The following TRPC4 variants were observed in gnomAD, a reference collection of about 807,000 sequenced individuals.
TRPC4 encodes the protein short transient receptor potential channel 4.
In TRPC4, 49 loss-of-function variants were observed where a neutral mutation model predicts 99.4. That is an observed-to-expected ratio of 0.49 (90% CI 0.39 to 0.63). The LOEUF is 0.63. Ranked by LOEUF, TRPC4 falls within the 20% of genes least tolerant of loss-of-function variation. The pLI is 0.00. For synonymous variants in TRPC4, 454 were observed against 425.9 expected (o/e 1.07, Z -0.81); for missense variants, 898 against 1,152.9 (o/e 0.78, Z 3.20).
intron 1 of TRPC4, among the ~76,000 whole-genome samples, chr13:37,785,105 A>G (rs1404662144): frequency 2.0e-5 from 3 of 152,148 alleles, no homozygotes; most frequent in Non-Finnish European, 4.4e-5. Flanking sequence ...TAGCATTTAT[A>G]TTATAGAATA....
intron 4 of TRPC4, 102 bp from the exon 5 acceptor site, chr13:37,674,469 A>C: frequency 8.2e-7 from 1 of 1,214,796 alleles, no homozygotes; most frequent in Middle Eastern, 2.7e-4. Context: ...ACAAGAGACC[A>C]CATTGTTACA....
chr13:37,819,300 C>T (rs1035536873), intron 1 of TRPC4, among the ~76,000 whole-genome samples: 1 of 151,986 alleles, frequency 6.6e-6, no homozygotes, highest in Non-Finnish European at 1.5e-5. Context: ...GACAGAAACA[C>T]CATTTGACCC....
At chr13:37,769,754 G>C (rs1956496556) in intron 2 of TRPC4, among the ~76,000 whole-genome samples, 1 of 151,398 alleles carries the variant, frequency 6.6e-6, no homozygotes, top group Non-Finnish European at 1.5e-5. Context: ...CTTATATTCT[G>C]CATCAGCATA....
At chr13:37,759,836 C>T (rs577506121) in intron 2 of TRPC4, among the ~76,000 whole-genome samples, 1 of 151,246 alleles carries the variant, frequency 6.6e-6, no homozygotes, top group Admixed American at 6.6e-5. Flanking sequence ...ATGCTTCCTA[C>T]AGAAAAGCAG....
chr13:37,780,760 ATTG>A (rs1956818147), intron 2 of TRPC4, among the ~76,000 whole-genome samples: 1 of 152,078 alleles, frequency 6.6e-6, no homozygotes, highest in Non-Finnish European at 1.5e-5. Flanking sequence ...TTCAGTTTTC[ATTG>A]TGCAAGATAC....
intron 1 of TRPC4, among the ~76,000 whole-genome samples, chr13:37,810,587 T>C (rs900060256): frequency 2.0e-5 from 3 of 152,106 alleles, no homozygotes; most frequent in Admixed American, 2.0e-4. Context: ...TGTTGCTCCA[T>C]AAGACAACTT....
At chr13:37,853,376 C>A (rs973178238) in intron 1 of TRPC4, among the ~76,000 whole-genome samples, 2 of 152,182 alleles carry the variant, frequency 1.3e-5, no homozygotes, top group Non-Finnish European at 1.5e-5. Flanking sequence ...CCCTACAAGT[C>A]TGCAAAAATT....
intron 1 of TRPC4, among the ~76,000 whole-genome samples, chr13:37,823,112 G>A (rs1958066807): frequency 6.6e-6 from 1 of 151,370 alleles, no homozygotes; most frequent in South Asian, 2.1e-4. Flanking sequence ...ACTTTTTGAT[G>A]GGGTTGTTTG....
chr13:37,681,544 G>A (rs1294425898), intron 4 of TRPC4, among the ~76,000 whole-genome samples: 2 of 151,920 alleles, frequency 1.3e-5, no homozygotes, highest in East Asian at 3.9e-4. Context: ...ATTTATGTTT[G>A]TTATAAGCAT....
intron 1 of TRPC4, among the ~76,000 whole-genome samples, chr13:37,799,102 T>G (rs1243176307): frequency 6.6e-6 from 1 of 151,974 alleles, no homozygotes; most frequent in Non-Finnish European, 1.5e-5. Flanking sequence ...CAGCTAATTT[T>G]TTTTTGTATT....
At chr13:37,858,055 A>C (rs74790226) in intron 1 of TRPC4, among the ~76,000 whole-genome samples, 5,509 of 151,900 alleles carry the variant, frequency 0.036, 162 homozygotes, top group African/African-American at 0.081. Flanking sequence ...TAAGAAGTTC[A>C]AACAACTCTA....
At chr13:37,760,921 G>T (rs1397387729) in intron 2 of TRPC4, among the ~76,000 whole-genome samples, 1 of 151,820 alleles carries the variant, frequency 6.6e-6, no homozygotes, top group African/African-American at 2.4e-5. Context: ...AAATTGCACA[G>T]ACTATTCTTT....
intron 6 of TRPC4, among the ~76,000 whole-genome samples, chr13:37,656,283 G>A (rs763639891): frequency 3.9e-5 from 6 of 152,086 alleles, no homozygotes; most frequent in South Asian, 2.1e-4. Context: ...TTGGTAAATC[G>A]TTAAAATGAG....
At chr13:37,692,718 A>G (rs1475446528) in intron 3 of TRPC4, among the ~76,000 whole-genome samples, 1 of 152,170 alleles carries the variant, frequency 6.6e-6, no homozygotes, top group East Asian at 1.9e-4. Flanking sequence ...TTTTTGATAT[A>G]GTTGTTATCT....
intron 1 of TRPC4, among the ~76,000 whole-genome samples, chr13:37,797,856 G>A (rs561169599): frequency 2.6e-5 from 4 of 152,170 alleles, no homozygotes; most frequent in South Asian, 2.1e-4. Context: ...ATGGATTGCC[G>A]TCTAGAGAAT....
In TRPC4 at chr13:37,651,336, T is replaced by A; in HGVS notation, c.2008A>T (p.Ile670Phe). Residue 670 changes from isoleucine (I) to phenylalanine (F), a missense_variant, in exon 8 of 11, where the codon ATC becomes TTC. This residue lies in a region of TRPC4 where 274 missense variants were observed against 454.9 expected (regional missense o/e 0.60). Coordinates refer to ENST00000379705, the MANE Select transcript of TRPC4 (RefSeq NM_016179.4). ...CACAAGTGTGTCCAGATCCATTTGATCAGGTACCAGAGAGACTTGGGGCTC... is the reference window on the plus strand; with the variant it reads ...CACAAGTGTGTCCAGATCCATTTGAACAGGTACCAGAGAGACTTGGGGCTC... Reference protein sequence around the residue: ...IPSPKSLWYLIKWIWTHLCKK... With the variant: ...IPSPKSLWYLFKWIWTHLCKK... The A allele has an allele frequency of 1.2e-6, 2 of 1,614,164 alleles. No individual in the cohort carries two copies. Among genetic ancestry groups the A allele is most frequent in the Non-Finnish European group, 1.7e-6 (2 of 1,179,986 alleles).
At position 37,633,141 on chromosome 13, in the gene TRPC4, G is replaced by T. The variant is rs1031092772; in HGVS notation, c.*3762C>A. 1.3e-5 allele frequency among the ~76,000 whole-genome samples: 2 copies of T among 152,126 alleles called. No homozygotes were observed. Among genetic ancestry groups the T allele is most frequent in the Non-Finnish European group, 2.9e-5 (2 of 68,020 alleles). ...ATTAAAAAAGGCATGTGATAACACT[G>T]TATAAATAAAATGTCTTTTCAGACA... is the stretch of plus-strand genomic sequence containing the variant. On this transcript the variant is annotated 3_prime_UTR_variant, in exon 11 of 11. Transcript: ENST00000379705.
chr13:37,687,757 G>T (rs1042710502), intron 4 of TRPC4, among the ~76,000 whole-genome samples: 28 of 152,176 alleles, frequency 1.8e-4, no homozygotes, highest in African/African-American at 6.8e-4. Context: ...CTAGCCTCGA[G>T]CTCTTTCTAA....
At chr13:37,655,370 T>C (rs547006067) in intron 6 of TRPC4, 87 bp from the exon 7 acceptor site, 16 of 400,864 alleles carry the variant, frequency 4.0e-5, no homozygotes, top group Non-Finnish European at 5.0e-5. Flanking sequence ...CATGATTATA[T>C]ATATATATAT....
Sources: allele counts gnomAD v4.1 joint callset (sites outside exome capture counted in the v4.1 genomes callset), GRCh38; gene constraint gnomAD v4.1.1; regional missense constraint gnomAD v4.1.1; transcripts MANE v1.5; gene names NCBI Gene and HGNC (gene_info 2026-07-23, HGNC 2026-07-21).